DDHD2: variants seen among roughly 807,000 people sequenced by gnomAD.
The protein encoded by DDHD2 is DDHD domain containing 2.
A neutral mutation model predicts 91.2 loss-of-function variants in DDHD2; 62 were observed. The ratio of observed to expected loss-of-function variants is 0.68; its 90% confidence interval spans 0.55 to 0.84. The LOEUF (loss-of-function observed/expected upper bound fraction) is 0.84, where lower values mean the gene tolerates loss of function less well. Ranked by LOEUF, DDHD2 falls within the 40% of genes least tolerant of loss-of-function variation. The pLI is 0.00. For synonymous variants in DDHD2, 271 were observed against 293.9 expected (o/e 0.92, Z 0.80); for missense variants, 740 against 846.9 (o/e 0.87, Z 1.57).
At chr8:38,257,763 C>T (rs932739231) in intron 16 of DDHD2, among the ~76,000 whole-genome samples, 5 of 148,230 alleles carry the variant, frequency 3.4e-5, no homozygotes, top group Non-Finnish European at 7.4e-5. Context: ...CTGCCAGGTT[C>T]AAGTGATTCT....
chr8:38,252,011 GA>G lies in DDHD2; in HGVS notation c.1445del (p.Asp482ValfsTer9). ...SSNTRNGDYL[D>X]VGIGQVSVKY... ...TAATACTAGAAATGGTGACTATCTG[GA>G]TGTTGGCATTGGGCAGGTAACTAAT... On this transcript the variant is annotated frameshift_variant, in exon 12 of 18. Transcript: ENST00000397166. LOFTEE classifies it high-confidence loss of function. 1 of 1,613,834 alleles carries G rather than the reference GA, an allele frequency of 6.2e-7. No homozygotes were observed. The highest frequency in any genetic ancestry group is 8.5e-7 in the Non-Finnish European group (1 of 1,179,714).
At chr8:38,269,380 T>C in intron 1 of DDHD2, 1 of 606,616 alleles carries the variant, frequency 1.6e-6, no homozygotes, top group Non-Finnish European at 2.6e-6. Context: ...CCAGCGGAGC[T>C]GCCCTCTGGT....
Position 38,262,169 on chromosome 8 carries a change from A to AT in DDHD2, c.*1603dup, listed in dbSNP as rs1052703805. The stretch of plus-strand genomic sequence containing the variant: ...AAGTTTCAGATATATGGAATACTTT[A>AT]TTTTTTTAAAGGTATATAAACTCTG... On this transcript the variant is annotated 3_prime_UTR_variant, in exon 18 of 18. Transcript: ENST00000397166. 2.0e-5 allele frequency: 3 copies of AT among 152,140 alleles called. No individual in the cohort carries two copies. Among genetic ancestry groups the AT allele is most frequent in the African/African-American group, 7.2e-5 (3 of 41,424 alleles). 9.4% of individuals were successfully genotyped at this position (152,140 alleles called of 1,614,324 possible).
rs1585719693 is a variant in DDHD2 at position 38,242,127 on chromosome 8, T to C, written c.713-123T>C. 63 of 739,140 alleles carry C rather than the reference T, an allele frequency of 8.5e-5. 2 individuals are homozygous for C. The South Asian group carries it at 1.4e-3, about 17-fold the overall frequency. 45.8% of individuals were successfully genotyped at this position (739,140 alleles called of 1,614,324 possible). A position where few individuals can be genotyped will look rare whatever the true frequency, so the allele number is the denominator to read the frequency against. ...ATTTTTCCTGAATACCACTTTATTTTTGACGGAAGTCAGTATGTGTTCTGT... is the reference window on the plus strand; with the variant it reads ...ATTTTTCCTGAATACCACTTTATTTCTGACGGAAGTCAGTATGTGTTCTGT... On this transcript the variant is annotated intron_variant, in intron 6 of 17. Coordinates refer to ENST00000397166, the MANE Select transcript of DDHD2 (RefSeq NM_015214.3).
At chr8:38,232,902 G>T in intron 1 of DDHD2, 85 bp from the exon 2 acceptor site, 2 of 858,022 alleles carry the variant, frequency 2.3e-6, no homozygotes, top group East Asian at 2.7e-5. Context: ...AAATGGCTCC[G>T]TAAAATGATT....
chr8:38,241,947 A>G, intron 6 of DDHD2: 1 of 230,762 alleles, frequency 4.3e-6, no homozygotes, highest in Non-Finnish European at 8.3e-6. Context: ...CCAGATCCTC[A>G]AGAGGCTGAG....
intron 11 of DDHD2, 57 bp downstream of exon 11, chr8:38,249,860 C>A: frequency 8.2e-7 from 1 of 1,216,446 alleles, no homozygotes; most frequent in Non-Finnish European, 1.2e-6. Context: ...CATAGTGTGT[C>A]CTTGTGCTTT....
In DDHD2 at chr8:38,252,806, A is replaced by G. The variant is rs1275073307; in HGVS notation, c.1702A>G (p.Arg568Gly). The G allele has an allele frequency of 6.2e-7, 1 of 1,614,150 alleles. No individual in the cohort carries two copies. The highest frequency in any genetic ancestry group is 8.5e-7 in the Non-Finnish European group (1 of 1,179,998). ...AATGCTGATCCCACATCATAAAGGC[A>G]GGAAGCGGATGCACTTAGGTAAGTC... is the stretch of plus-strand genomic sequence containing the variant. ...EPMLIPHHKG[R>G]KRMHLELREG... The change falls in exon 14 of 18, where the codon AGG (arginine) becomes GGG (glycine). Residue 568 changes from arginine (R) to glycine (G), a missense_variant. Physicochemically the swap from Arg to Gly is moderately radical, Grantham distance 125. Around this residue, in one of 2 missense-constraint regions of DDHD2, gnomAD observed 693 missense variants for 764.2 expected, o/e 0.91. Coordinates refer to ENST00000397166, the MANE Select transcript of DDHD2 (RefSeq NM_015214.3).
At chr8:38,267,334 C>G, downstream of DDHD2, 1 of 1,614,010 alleles carries the variant, frequency 6.2e-7, no homozygotes, top group Non-Finnish European at 8.5e-7. Context: ...CTGTACACAT[C>G]AAGTCAGAAT....
chr8:38,264,567 G>T, downstream of DDHD2: 1 of 1,590,216 alleles, frequency 6.3e-7, no homozygotes, highest in Non-Finnish European at 8.6e-7. Context: ...AGCAGACATA[G>T]GCAAATGTCA....
chr8:38,232,714 G>A (rs905287459), intron 1 of DDHD2, among the ~76,000 whole-genome samples: 1 of 152,088 alleles, frequency 6.6e-6, no homozygotes, highest in Non-Finnish European at 1.5e-5. Context: ...TGTGATTCTG[G>A]GTTTGTTTTA....
At chr8:38,246,054 A>T (rs1805609719) in intron 8 of DDHD2, 104 bp downstream of exon 8, 8 of 1,312,574 alleles carry the variant, frequency 6.1e-6, no homozygotes, top group Non-Finnish European at 2.2e-6. Context: ...AGAGGTCTAG[A>T]AGTGGTCTGT....
rs371150994 is a variant in DDHD2 at position 38,242,434 on chromosome 8, T to C, written c.848+49T>C. 19 of 1,580,704 alleles carry C rather than the reference T, an allele frequency of 1.2e-5. 1 individual carries two copies. In the African/African-American group the frequency reaches 2.3e-4, roughly 19 times the overall value. On this transcript the variant is annotated intron_variant, in intron 7 of 17. Coordinates refer to ENST00000397166, the MANE Select transcript of DDHD2 (RefSeq NM_015214.3). ...AGTTGTTAGCTGTGATTATATTTTC[T>C]GATCATTGCTATGCTTGGGGACGTT...
downstream of DDHD2, chr8:38,273,534 T>C (rs1808533969): frequency 6.6e-6 from 1 of 152,142 alleles, no homozygotes; most frequent in Non-Finnish European, 1.5e-5. Flanking sequence ...GAGATAAGAT[T>C]TCATGTTGGA....
chr8:38,242,495 T>C, intron 7 of DDHD2, 110 bp downstream of exon 7: 1 of 1,180,846 alleles, frequency 8.5e-7, no homozygotes, highest in Non-Finnish European at 1.2e-6. Context: ...TAAAATTTCT[T>C]AGAGATATGC....
Position 38,246,236 on chromosome 8 carries a change from C to T in DDHD2, c.1061C>T (p.Ser354Leu), listed in dbSNP as rs1585731793. The T allele has an allele frequency of 5.6e-6, 9 of 1,600,972 alleles. No individual in the cohort carries two copies. The highest frequency in any genetic ancestry group is 1.3e-5 in the African/African-American group (1 of 74,698). ...CCTTCTTCTATTTTACTTATAGGTT[C>T]GCTTATATTGTTTGATATCCTAACA... ...GVSIAGHSLG[S>L]LILFDILTNQ... The change falls in exon 9 of 18, where the codon TCG becomes TTG. Residue 354 changes from serine (S) to leucine (L), a missense_variant. Physicochemically the swap from Ser to Leu is moderately radical, Grantham distance 145. Transcript: ENST00000397166.
chr8:38,238,070 C>A lies in DDHD2; in HGVS notation c.502-19C>A, dbSNP rs373642362. ...TGTATTGCAGAATATTTTTATTGCT[C>A]TGATCTGTTCTGTTTAAGCTTATGG... On this transcript the variant is annotated intron_variant, in intron 4 of 17. Transcript: ENST00000397166. 3.3e-5 allele frequency: 53 copies of A among 1,582,440 alleles called. No individual in the cohort carries two copies. In the South Asian group the frequency reaches 4.2e-4, roughly 13 times the overall value.
At chr8:38,271,752 C>G (rs1808489426), downstream of DDHD2, 1 of 152,200 alleles carries the variant, frequency 6.6e-6, no homozygotes, top group South Asian at 2.1e-4. Context: ...AAGCAACTTT[C>G]CAATGTCCTT....
chr8:38,240,766 AC>A (rs1206871028), intron 6 of DDHD2, among the ~76,000 whole-genome samples: 9 of 152,198 alleles, frequency 5.9e-5, no homozygotes, highest in Non-Finnish European at 1.3e-4. Flanking sequence ...CATTAGTATA[AC>A]TAGATTTTGA....
Sources: allele counts gnomAD v4.1 joint callset (sites outside exome capture counted in the v4.1 genomes callset), GRCh38; gene constraint gnomAD v4.1.1; regional missense constraint gnomAD v4.1.1; transcripts MANE v1.5; gene names NCBI Gene and HGNC (gene_info 2026-07-23, HGNC 2026-07-21).